Variants in IL1RL2 observed in about 807,000 individuals in gnomAD.
IL1RL2 encodes interleukin 1 receptor like 2.
IL1RL2 carries 68 observed loss-of-function variants against 66.8 expected under a neutral mutation model. The ratio of observed to expected loss-of-function variants is 1.02; its 90% CI spans 0.84 to 1.25. The LOEUF (loss-of-function observed/expected upper bound fraction) is 1.25. Among genes scored for constraint, IL1RL2 ranks in the 50% most tolerant of loss-of-function variants. IL1RL2 has a pLI of 0.00. For synonymous variants in IL1RL2, 305 were observed against 264.6 expected, an observed-to-expected ratio of 1.15 and a Z score of -1.48; for missense variants, 729 against 709.3, an observed-to-expected ratio of 1.03 and a Z score of -0.32.
chr2:102,234,390 G>A (rs1431637929), intron 10 of IL1RL2, among the ~76,000 whole-genome samples: 1 of 152,068 alleles, frequency 6.6e-6, no homozygotes, highest in East Asian at 1.9e-4. Context: ...AGAGGACCAA[G>A]GCTCCAGGGA....
chr2:102,236,296 C>T (rs928656766), intron 11 of IL1RL2, among the ~76,000 whole-genome samples: 5 of 152,068 alleles, frequency 3.3e-5, no homozygotes, highest in African/African-American at 1.2e-4. Context: ...GAGAGCCAGC[C>T]GGCAGGGGCG....
At chr2:102,231,218 C>T (rs916168924) in intron 9 of IL1RL2, among the ~76,000 whole-genome samples, 1 of 152,208 alleles carries the variant, frequency 6.6e-6, no homozygotes, top group Non-Finnish European at 1.5e-5. Flanking sequence ...TGAAGCTGCA[C>T]CCCTGCAAGA....
chr2:102,219,627 G>A (rs1184036369), intron 7 of IL1RL2, among the ~76,000 whole-genome samples: 5 of 152,136 alleles, frequency 3.3e-5, no homozygotes, highest in Non-Finnish European at 7.4e-5. Context: ...GAGGAATAGG[G>A]GAAAGGCCTT....
chr2:102,237,870 C>T (rs575106868), intron 11 of IL1RL2, among the ~76,000 whole-genome samples: 103 of 152,196 alleles, frequency 6.8e-4, no homozygotes, highest in African/African-American at 2.3e-3. Context: ...CGCTGAAGGC[C>T]ACCCTCAATT....
chr2:102,234,778 C>G, intron 10 of IL1RL2, 119 bp from the exon 11 acceptor site: 1 of 911,816 alleles, frequency 1.1e-6, no homozygotes, highest in Non-Finnish European at 1.7e-6. Flanking sequence ...CACAGTGAGA[C>G]TTCACTTCAA....
At chr2:102,187,814 T>G in intron 1 of IL1RL2, 42 bp from the exon 2 acceptor site, 5 of 1,078,110 alleles carry the variant, frequency 4.6e-6, no homozygotes, top group Non-Finnish European at 5.6e-6. Context: ...GGGCCCGCCC[T>G]ACTGCGTCCT....
In IL1RL2 at chr2:102,237,557, G is replaced by A. The variant is rs1390295260; in HGVS notation, c.1679-1635G>A. On this transcript the variant is annotated intron_variant, in intron 11 of 11. Coordinates refer to ENST00000264257, the MANE Select transcript of IL1RL2 (RefSeq NM_003854.4). ...TCAGTAATGCCCATTTTCCTCTTGGGTGCAATAGGAGAAACAGCCTGTTTT... is the reference window on the plus strand; with the variant it reads ...TCAGTAATGCCCATTTTCCTCTTGGATGCAATAGGAGAAACAGCCTGTTTT... Among the ~76,000 whole-genome samples, 5 of 152,308 alleles carry A rather than the reference G, an allele frequency of 3.3e-5. No homozygotes were observed. In the East Asian group the frequency reaches 5.8e-4, roughly 18 times the overall value.
intron 10 of IL1RL2, among the ~76,000 whole-genome samples, chr2:102,233,635 G>C (rs1674549409): frequency 6.6e-6 from 1 of 152,126 alleles, no homozygotes; most frequent in Non-Finnish European, 1.5e-5. Flanking sequence ...TAGGAAGGTG[G>C]CTTTGGACAG....
At chr2:102,223,130 T>C (rs1373130173) in intron 8 of IL1RL2, among the ~76,000 whole-genome samples, 2 of 152,332 alleles carry the variant, frequency 1.3e-5, no homozygotes, top group East Asian at 1.9e-4. Context: ...AATCCCTTAG[T>C]TCCTGGCAAT....
chr2:102,230,098 A>G (rs1329962209), intron 9 of IL1RL2, among the ~76,000 whole-genome samples: 1 of 152,202 alleles, frequency 6.6e-6, no homozygotes. Flanking sequence ...GAAACACTGT[A>G]TTTACCAGAG....
intron 4 of IL1RL2, 48 bp downstream of exon 4, chr2:102,192,168 C>T: frequency 3.0e-6 from 4 of 1,317,552 alleles, no homozygotes; most frequent in Non-Finnish European, 4.2e-6. Context: ...TTCTTTAAAA[C>T]CCACTGTTTT....
chr2:102,211,011 A>T (rs1324722074), intron 5 of IL1RL2, among the ~76,000 whole-genome samples: 1 of 152,218 alleles, frequency 6.6e-6, no homozygotes, highest in Non-Finnish European at 1.5e-5. Context: ...TTGGTGATTG[A>T]CAAGTTGAAG....
At chr2:102,230,761 G>A (rs1440780924) in intron 9 of IL1RL2, among the ~76,000 whole-genome samples, 2 of 152,206 alleles carry the variant, frequency 1.3e-5, no homozygotes, top group South Asian at 2.1e-4. Flanking sequence ...GCATGCGTGT[G>A]TGTTTGTGTT....
At chr2:102,188,587 C>CAAAACAAA (rs1686933976) in intron 2 of IL1RL2, among the ~76,000 whole-genome samples, 2 of 94,978 alleles carry the variant, frequency 2.1e-5, no homozygotes, top group African/African-American at 8.8e-5. Context: ...GACTCCGTCT[C>CAAAACAAA]AAAAAAAAAA....
chr2:102,204,750 G>A (rs1179591362), intron 5 of IL1RL2, among the ~76,000 whole-genome samples: 1 of 151,642 alleles, frequency 6.6e-6, no homozygotes, highest in African/African-American at 2.4e-5. Flanking sequence ...GTCTATGTGT[G>A]TCTTTATAGG....
At chr2:102,205,505 G>A (rs1688628426) in intron 5 of IL1RL2, among the ~76,000 whole-genome samples, 1 of 152,078 alleles carries the variant, frequency 6.6e-6, no homozygotes, top group Admixed American at 6.6e-5. Flanking sequence ...ATGTTTGAAG[G>A]TTATTTTTGT....
In IL1RL2 at chr2:102,187,878, T is replaced by C; in HGVS notation, c.11T>C (p.Leu4Ser). 1 of 1,614,152 alleles carries C rather than the reference T, an allele frequency of 6.2e-7. No individual in the cohort carries two copies. Among genetic ancestry groups the C allele is most frequent in the Non-Finnish European group, 8.5e-7 (1 of 1,180,022 alleles). The change falls in exon 2 of 12, where the codon TTG (leucine) becomes TCG (serine). Residue 4 changes from leucine to serine, a missense_variant. By Grantham distance (145) the Leu-to-Ser change is moderately radical. Coordinates refer to ENST00000264257, the MANE Select transcript of IL1RL2 (RefSeq NM_003854.4). ...CAGCCCGGTTTGGGGATGTGGTCCT[T>C]GCTGCTCTGCGGGTTGTCCATCGCC... Reference protein sequence around the residue: MWSLLLCGLSIALP... With the variant: MWSSLLCGLSIALP...
At chr2:102,237,047 G>A (rs898874919) in intron 11 of IL1RL2, among the ~76,000 whole-genome samples, 1 of 152,092 alleles carries the variant, frequency 6.6e-6, no homozygotes, top group African/African-American at 2.4e-5. Context: ...TGTGAGTGTG[G>A]TCATTCATTT....
intron 3 of IL1RL2, among the ~76,000 whole-genome samples, chr2:102,190,833 T>G (rs889932310): frequency 7.2e-5 from 11 of 152,190 alleles, no homozygotes; most frequent in Non-Finnish European, 1.5e-4. Context: ...CTGGGAGCTG[T>G]GAAATGAGGA....
Sources: allele counts gnomAD v4.1 joint callset (sites outside exome capture counted in the v4.1 genomes callset), GRCh38; gene constraint gnomAD v4.1.1; transcripts MANE v1.5; gene names NCBI Gene and HGNC (gene_info 2026-07-23, HGNC 2026-07-21).